SPRED1: variants seen among roughly 807,000 people sequenced by gnomAD.
SPRED1 encodes sprouty related EVH1 domain containing 1.
Under a neutral mutation model 52.3 loss-of-function variants are expected in SPRED1, and 18 were observed. The ratio of observed to expected loss-of-function variants is 0.34; its 90% CI spans 0.24 to 0.51. SPRED1 has a LOEUF of 0.51. SPRED1 is among the 20% of genes least tolerant of loss of function. The probability of loss-of-function intolerance (pLI) is 0.97; values close to 1 mark genes in which losing one functional copy is unlikely to be tolerated. For synonymous variants in SPRED1, 155 were observed against 179.7 expected, an observed-to-expected ratio of 0.86 and a Z score of 1.10; for missense variants, 485 against 551.0, an observed-to-expected ratio of 0.88 and a Z score of 1.20.
chr15:38,318,400 C>T (rs1299201212), intron 2 of SPRED1, among the ~76,000 whole-genome samples: 1 of 151,908 alleles, frequency 6.6e-6, no homozygotes, highest in African/African-American at 2.4e-5. Flanking sequence ...AGTTCATTGG[C>T]CTCTTCATTT....
At chr15:38,330,042 T>A (rs1211664937) in intron 4 of SPRED1, among the ~76,000 whole-genome samples, 1 of 152,216 alleles carries the variant, frequency 6.6e-6, no homozygotes, top group African/African-American at 2.4e-5. Context: ...AATATACTTA[T>A]CATTTAAAGG....
chr15:38,302,779 C>G (rs1895172584), intron 2 of SPRED1, among the ~76,000 whole-genome samples: 1 of 152,060 alleles, frequency 6.6e-6, no homozygotes, highest in Non-Finnish European at 1.5e-5. Flanking sequence ...GAAAGAAACA[C>G]CAGGGGTTGG....
intron 1 of SPRED1, among the ~76,000 whole-genome samples, chr15:38,285,577 G>T (rs1277848947): frequency 1.3e-5 from 2 of 152,176 alleles, no homozygotes; most frequent in African/African-American, 2.4e-5. Context: ...GAACAGTTTG[G>T]CTGGAACAGG....
In SPRED1 at chr15:38,296,724, G is replaced by T. The variant is rs370401969; in HGVS notation, c.33-2649G>T. ...CTTCGTGTCCATTGTTATCGTCCTA[G>T]TTCAATTCAGTATTACCTCTCACCT... On this transcript the variant is annotated intron_variant, in intron 1 of 6. Coordinates refer to ENST00000299084, the MANE Select transcript of SPRED1 (RefSeq NM_152594.3). Among the ~76,000 whole-genome samples, 12 of 152,192 alleles carry T rather than the reference G, an allele frequency of 7.9e-5. No homozygotes were observed. The East Asian group carries it at 2.3e-3, about 29-fold the overall frequency.
At chr15:38,296,179 G>A (rs912359109) in intron 1 of SPRED1, among the ~76,000 whole-genome samples, 5 of 151,868 alleles carry the variant, frequency 3.3e-5, no homozygotes, top group Admixed American at 6.6e-5. Context: ...AGTTGGGTGG[G>A]GTATATAATA....
At chr15:38,269,903 T>TCC (rs1894395037) in intron 1 of SPRED1, among the ~76,000 whole-genome samples, 2 of 112,830 alleles carry the variant, frequency 1.8e-5, no homozygotes, top group Admixed American at 1.4e-4. Flanking sequence ...ATTTCTTTCT[T>TCC]TCTTTTTTTT....
rs370073425 is a variant in SPRED1 at position 38,356,499 on chromosome 15, A to T, written c.*4835A>T. On this transcript the variant is annotated 3_prime_UTR_variant, in exon 7 of 7. Coordinates refer to ENST00000299084, the MANE Select transcript of SPRED1 (RefSeq NM_152594.3). ...CTCCTAGAGCTTATCAAATTATCAC[A>T]TAAGAGATAATTACTGGAGGAGAAA... The T allele has an allele frequency of 6.8e-4, 104 of 152,254 alleles. No individual in the cohort carries two copies. The highest frequency in any genetic ancestry group is 2.4e-3 in the African/African-American group (99 of 41,566). The allele number at this position is 152,254 out of a possible 1,614,324, so 9.4% of individuals were successfully genotyped here.
intron 4 of SPRED1, among the ~76,000 whole-genome samples, 196 bp downstream of exon 4, chr15:38,325,005 A>G (rs984175839): frequency 6.6e-6 from 1 of 152,176 alleles, no homozygotes; most frequent in African/African-American, 2.4e-5. Context: ...CCAAAATCTG[A>G]AACTTTTTTT....
At chr15:38,316,966 C>T (rs1198189665) in intron 2 of SPRED1, among the ~76,000 whole-genome samples, 3 of 151,592 alleles carry the variant, frequency 2.0e-5, no homozygotes. Context: ...TTGAGTCCTA[C>T]ATTTAATATT....
At chr15:38,335,241 C>T (rs1231514911) in intron 4 of SPRED1, among the ~76,000 whole-genome samples, 1 of 152,020 alleles carries the variant, frequency 6.6e-6, no homozygotes, top group African/African-American at 2.4e-5. Context: ...CTGTCCTCTC[C>T]AGTACGTGCC....
intron 5 of SPRED1, among the ~76,000 whole-genome samples, chr15:38,347,316 A>C (rs1394973329): frequency 6.6e-6 from 1 of 152,034 alleles, no homozygotes; most frequent in Non-Finnish European, 1.5e-5. Context: ...CTGACACATC[A>C]ATTCTCTATA....
chr15:38,338,302 TG>T (rs200015369), intron 4 of SPRED1, among the ~76,000 whole-genome samples: 2 of 149,256 alleles, frequency 1.3e-5, no homozygotes, highest in East Asian at 1.9e-4. Flanking sequence ...TGTTTTGTTT[TG>T]TTTTTTTTCT....
intron 1 of SPRED1, chr15:38,268,154 A>G (rs1177818836): frequency 6.6e-6 from 1 of 152,194 alleles, no homozygotes; most frequent in African/African-American, 2.4e-5. Flanking sequence ...ATGTAATAAC[A>G]TTTGCTGTCT....
rs758483715 is a variant in SPRED1 at position 38,339,776 on chromosome 15, C to G, written c.463C>G (p.His155Asp). 1.2e-6 allele frequency: 2 copies of G among 1,613,880 alleles called. No homozygotes were observed. The highest frequency in any genetic ancestry group is 3.3e-5 in the Admixed American group (2 of 59,994). Reference protein sequence around the residue: ...EDSSSSLVKDHLFQQETVVTS... With the variant: ...EDSSSSLVKDDLFQQETVVTS... ...TTCTTCCAGTTCTCTAGTGAAGGAT[C>G]ACCTTTTTCAGCAAGAGACAGTTGT... The change falls in exon 5 of 7, where the codon CAC (histidine) becomes GAC (aspartate). Residue 155 changes from histidine to aspartate, a missense_variant. By Grantham distance (81) the His-to-Asp change is moderately conservative (BLOSUM62 -1). Transcript: ENST00000299084.
At position 38,339,773 on chromosome 15, in the gene SPRED1, G is replaced by GATC. The variant is rs1895993278; in HGVS notation, c.462_464dup (p.His155dup). On this transcript the variant is annotated inframe_insertion, in exon 5 of 7. Transcript: ENST00000299084. ...GGATTCTTCCAGTTCTCTAGTGAAGGATCACCTTTTTCAGCAAGAGACAGT... is the reference window on the plus strand; with the variant it reads ...GGATTCTTCCAGTTCTCTAGTGAAGGATCATCACCTTTTTCAGCAAGAGACAGT... The GATC allele has an allele frequency of 6.2e-7, 1 of 1,613,876 alleles. No individual in the cohort carries two copies.
At chr15:38,346,583 C>G (rs371046246) in intron 5 of SPRED1, among the ~76,000 whole-genome samples, 8 of 152,152 alleles carry the variant, frequency 5.3e-5, no homozygotes, top group African/African-American at 1.9e-4. Context: ...TAACTATTAC[C>G]TGGAATTGTA....
chr15:38,275,703 C>T (rs774366045), intron 1 of SPRED1, among the ~76,000 whole-genome samples: 35 of 152,124 alleles, frequency 2.3e-4, no homozygotes, highest in Non-Finnish European at 4.9e-4. Context: ...TCACCATGTT[C>T]GTCAGGCTGG....
rs1895114908 is a variant in SPRED1, at chr15:38,299,688, G to A, written c.207+141G>A. 9.3e-6 allele frequency: 8 copies of A among 864,342 alleles called. No individual in the cohort carries two copies. The African/African-American group carries it at 1.0e-4, about 11-fold the overall frequency. The allele number at this position is 864,342 out of a possible 1,614,324, so 53.5% of individuals were successfully genotyped here. A position where few individuals can be genotyped will look rare whatever the true frequency, so the allele number is the denominator to read the frequency against. On this transcript the variant is annotated intron_variant, in intron 2 of 6. Coordinates refer to ENST00000299084, the MANE Select transcript of SPRED1 (RefSeq NM_152594.3). ...GAGCTGTTTCTGTGTTAAAGGCAGT[G>A]AAATACAACATTTTTTTTTCAAACT... is the stretch of plus-strand genomic sequence containing the variant.
chr15:38,337,911 T>C (rs1440758883), intron 4 of SPRED1, among the ~76,000 whole-genome samples: 3 of 151,736 alleles, frequency 2.0e-5, no homozygotes, highest in Non-Finnish European at 2.9e-5. Context: ...GAGGCAGATA[T>C]TCAATTTATA....
Sources: allele counts gnomAD v4.1 joint callset (sites outside exome capture counted in the v4.1 genomes callset), GRCh38; gene constraint gnomAD v4.1.1; transcripts MANE v1.5; gene names NCBI Gene and HGNC (gene_info 2026-07-23, HGNC 2026-07-21).